The following ATP8B4 variants were observed in gnomAD, a reference collection of about 807,000 sequenced individuals.
ATP8B4 encodes the protein ATPase phospholipid transporting 8B4 (putative), also known as probable phospholipid-transporting ATPase IM.
A neutral mutation model predicts 145.6 loss-of-function variants in ATP8B4; 133 were observed. The ratio of observed to expected loss-of-function variants is 0.91; its 90% CI spans 0.79 to 1.05. ATP8B4 has a LOEUF of 1.05. ATP8B4 is among the 50% of genes least tolerant of loss of function. ATP8B4 has a pLI of 0.00. For synonymous variants in ATP8B4, 507 were observed against 492.9 expected (o/e 1.03, Z -0.38); for missense variants, 1,458 against 1,425.2 (o/e 1.02, Z -0.37).
intron 3 of ATP8B4, among the ~76,000 whole-genome samples, chr15:50,051,650 G>T (rs927724434): frequency 1.3e-5 from 2 of 152,188 alleles, no homozygotes; most frequent in African/African-American, 4.8e-5. Context: ...GAATGGGGAA[G>T]ATTAAAGCTA....
rs866273322 is a variant in ATP8B4 at position 50,156,075 on chromosome 15, T to C, written c.-43+26186A>G. On this transcript the variant is annotated intron_variant, in intron 1 of 3. Transcript: ENST00000558829. ...TCTTGGTAATAAATAAATAAATAAA[T>C]ATATATATATATATATAAATATATA... Among the ~76,000 whole-genome samples the C allele has an allele frequency of 3.2e-4, 18 of 55,648 alleles. 1 individual carries two copies. Among genetic ancestry groups the C allele is most frequent in the South Asian group, 2.4e-3 (5 of 2,118 alleles). The allele number at this position is 55,648 out of a possible 152,430, so 36.5% of individuals were successfully genotyped here. A position where few individuals can be genotyped will look rare whatever the true frequency, so the allele number is the denominator to read the frequency against.
chr15:50,151,783 C>T (rs1028137890), intron 1 of ATP8B4, among the ~76,000 whole-genome samples: 1 of 147,068 alleles, frequency 6.8e-6, no homozygotes, highest in Non-Finnish European at 1.5e-5. Context: ...AAGATTTTTA[C>T]TGGACTTATG....
intron 2 of ATP8B4, among the ~76,000 whole-genome samples, chr15:50,085,958 T>A (rs1351599848): frequency 3.4e-5 from 1 of 29,238 alleles, no homozygotes; most frequent in Non-Finnish European, 5.0e-5. Context: ...ATATATCATA[T>A]ATATTTATAT....
chr15:50,031,561 T>C (rs1016280745), intron 6 of ATP8B4, among the ~76,000 whole-genome samples: 1 of 77,512 alleles, frequency 1.3e-5, no homozygotes, highest in African/African-American at 1.4e-4. Context: ...AGTTCAATGA[T>C]CTTTGGGTTT....
chr15:49,958,305 T>G (rs1188924335), intron 14 of ATP8B4, among the ~76,000 whole-genome samples: 1 of 151,472 alleles, frequency 6.6e-6, no homozygotes, highest in Non-Finnish European at 1.5e-5. Flanking sequence ...CCTTAAATAT[T>G]TGTATTCTTA....
At chr15:49,920,217 C>G in intron 18 of ATP8B4, 29 bp downstream of exon 18, 3 of 1,609,164 alleles carry the variant, frequency 1.9e-6, no homozygotes, top group Non-Finnish European at 2.5e-6. Context: ...TTCCTGTAAA[C>G]ACAAACCATC....
intron 2 of ATP8B4, among the ~76,000 whole-genome samples, chr15:50,087,379 GATAT>G (rs923359052): frequency 3.7e-5 from 5 of 134,162 alleles, no homozygotes; most frequent in African/African-American, 1.5e-4. Context: ...ATAATATATA[GATAT>G]ATATTATACA....
rs766157352 is a variant in ATP8B4 at position 49,860,285 on chromosome 15, TG to T, written c.3487del (p.His1163IlefsTer19). ...TTCAATCCAGCTAGTGCTATTATAA[TG>T]TGTCTTTTCCAGCCCTGATGTTGGG... ...PPPTSGLEKT[H>X]YNSTSWIENL... On this transcript the variant is annotated frameshift_variant, in exon 28 of 28. Transcript: ENST00000284509. LOFTEE classifies it high-confidence loss of function. 3 of 1,614,202 alleles carry T rather than the reference TG, an allele frequency of 1.9e-6. No homozygotes were observed. Among genetic ancestry groups the T allele is most frequent in the Non-Finnish European group, 2.5e-6 (3 of 1,180,012 alleles).
chr15:50,180,226 CTT>C (rs1057253120), intron 1 of ATP8B4, among the ~76,000 whole-genome samples: 2 of 152,062 alleles, frequency 1.3e-5, no homozygotes, highest in Non-Finnish European at 2.9e-5. Flanking sequence ...GATTCCTGTA[CTT>C]CTCTCTGAAG....
chr15:50,143,504 G>T (rs1188002495), intron 1 of ATP8B4, among the ~76,000 whole-genome samples: 1 of 152,264 alleles, frequency 6.6e-6, no homozygotes, highest in Non-Finnish European at 1.5e-5. Flanking sequence ...AGACACTAAA[G>T]CAGAAACTAC....
intron 6 of ATP8B4, among the ~76,000 whole-genome samples, chr15:50,022,618 T>C (rs2049667795): frequency 6.6e-6 from 1 of 152,230 alleles, no homozygotes; most frequent in African/African-American, 2.4e-5. Flanking sequence ...CCAATAGGAT[T>C]AGAGTGTAAG....
At chr15:49,866,878 C>T (rs1598786252) in intron 25 of ATP8B4, among the ~76,000 whole-genome samples, 1 of 152,192 alleles carries the variant, frequency 6.6e-6, no homozygotes, top group South Asian at 2.1e-4. Context: ...GCAAGTGCAA[C>T]ATTTTATACT....
intron 1 of ATP8B4, among the ~76,000 whole-genome samples, chr15:50,169,348 T>C (rs1208710101): frequency 2.6e-5 from 4 of 152,168 alleles, no homozygotes; most frequent in African/African-American, 9.7e-5. Context: ...ACGGTTCACA[T>C]CACAGGACTC....
chr15:50,132,015 T>TG (rs1396373635), intron 1 of ATP8B4, among the ~76,000 whole-genome samples: 1 of 146,616 alleles, frequency 6.8e-6, no homozygotes, highest in African/African-American at 2.5e-5. Flanking sequence ...TTAAAGGTAA[T>TG]GCCAAAGGCC....
intron 4 of ATP8B4, among the ~76,000 whole-genome samples, chr15:50,045,505 G>A (rs932694032): frequency 6.6e-6 from 1 of 152,096 alleles, no homozygotes; most frequent in South Asian, 2.1e-4. Flanking sequence ...GGGGCCATCA[G>A]GCAGGAAAGG....
At chr15:49,941,011 G>T (rs377415216) in intron 14 of ATP8B4, among the ~76,000 whole-genome samples, 1 of 152,168 alleles carries the variant, frequency 6.6e-6, no homozygotes, top group East Asian at 1.9e-4. Context: ...GAAATTAATA[G>T]AACCCAAGCC....
At chr15:50,098,118 G>A (rs78088476) in intron 2 of ATP8B4, among the ~76,000 whole-genome samples, 1 of 151,926 alleles carries the variant, frequency 6.6e-6, no homozygotes, top group East Asian at 1.9e-4. Flanking sequence ...ATCACTCTGG[G>A]CAAACCCAGT....
At chr15:49,938,280 A>C (rs1461034840) in intron 14 of ATP8B4, among the ~76,000 whole-genome samples, 1 of 152,148 alleles carries the variant, frequency 6.6e-6, no homozygotes, top group African/African-American at 2.4e-5. Flanking sequence ...AAAACTGCCC[A>C]TATCAATATT....
intron 1 of ATP8B4, among the ~76,000 whole-genome samples, chr15:50,154,013 G>A (rs1189813741): frequency 6.6e-6 from 1 of 152,154 alleles, no homozygotes; most frequent in East Asian, 1.9e-4. Flanking sequence ...TAATATCCAA[G>A]CTCAATCTTT....
Sources: gnomAD v4.1 joint callset for allele counts (sites outside exome capture counted in the v4.1 genomes callset) on GRCh38, gnomAD v4.1.1 for gene constraint, MANE v1.5 for transcripts, NCBI Gene and HGNC (gene_info 2026-07-23, HGNC 2026-07-21) for gene names.